RNF111: variants seen among roughly 807,000 people sequenced by gnomAD.
The protein encoded by RNF111 is E3 ubiquitin-protein ligase Arkadia.
A neutral mutation model predicts 95.1 loss-of-function variants in RNF111; 17 were observed. The ratio of observed to expected loss-of-function variants is 0.18; its 90% CI spans 0.12 to 0.27. The LOEUF (loss-of-function observed/expected upper bound fraction) is 0.27. Ranked by LOEUF, RNF111 falls within the 10% of genes least tolerant of loss-of-function variation. The pLI is 1.00. For synonymous variants in RNF111, 440 were observed against 414.8 expected, an observed-to-expected ratio of 1.06 and a Z score of -0.74; for missense variants, 1,189 against 1,210.4, an observed-to-expected ratio of 0.98 and a Z score of 0.26.
Position 59,095,812 on chromosome 15 carries a change from T to C in RNF111, c.*912T>C. On this transcript the variant is annotated 3_prime_UTR_variant, in exon 14 of 14. Transcript: ENST00000348370. The stretch of plus-strand genomic sequence containing the variant: ...AAGCACGAAAAGTTAAGATATCTGC[T>C]TACATTGATTTTGTAGACACATTAA... The C allele has an allele frequency of 2.5e-6, 1 of 392,514 alleles. No homozygotes were observed. The highest frequency in any genetic ancestry group is 4.5e-6 in the Non-Finnish European group (1 of 222,434). The allele number at this position is 392,514 out of a possible 1,614,324, so 24.3% of individuals were successfully genotyped here.
Position 59,084,083 on chromosome 15 carries a change from A to G in RNF111, c.2298-46A>G, listed in dbSNP as rs577004143. ...TCTACATTAAGAAAAGAAATAACCA[A>G]TTATTCAATTATTTCCAGTGGTCTT... On this transcript the variant is annotated intron_variant, in intron 8 of 13. Transcript: ENST00000348370. The G allele has an allele frequency of 1.3e-5, 20 of 1,521,058 alleles. No individual in the cohort carries two copies. The South Asian group carries it at 2.0e-4, about 16-fold the overall frequency. 94.2% of individuals were successfully genotyped at this position (1,521,058 alleles called of 1,614,324 possible). A position where few individuals can be genotyped will look rare whatever the true frequency, so the allele number is the denominator to read the frequency against.
chr15:59,091,191 T>C, intron 12 of RNF111, 37 bp downstream of exon 12: 1 of 1,222,636 alleles, frequency 8.2e-7, no homozygotes, highest in Non-Finnish European at 1.2e-6. Flanking sequence ...GGAGTGTTAC[T>C]GAAAGGCATA....
chr15:59,058,669 T>A, intron 5 of RNF111, 119 bp downstream of exon 5: 1 of 858,040 alleles, frequency 1.2e-6, no homozygotes, highest in Non-Finnish European at 1.9e-6. Context: ...TACATTATAA[T>A]AAACTTCATA....
At chr15:59,002,522 C>T (rs2039366997) in intron 1 of RNF111, among the ~76,000 whole-genome samples, 1 of 150,838 alleles carries the variant, frequency 6.6e-6, no homozygotes. Context: ...AACTGAAGTT[C>T]TGAGTGAAAG....
chr15:59,093,361 T>TCTC lies in RNF111; in HGVS notation c.2843+722_2843+723insTCC, dbSNP rs1555403301. ...TCTTTTTTTTTTTTTTTTTTTTTTT[T>TCTC]CCTTTTCTGGGAGATGGTCTCCTTC... On this transcript the variant is annotated intron_variant, in intron 13 of 13. Coordinates refer to ENST00000348370, the MANE Select transcript of RNF111 (RefSeq NM_017610.8). 4.6e-3 allele frequency: 1,702 copies of TCTC among 366,116 alleles called. 15 individuals are homozygous for TCTC. Among genetic ancestry groups the TCTC allele is most frequent in the African/African-American group, 0.017 (626 of 36,200 alleles). The allele number at this position is 366,116 out of a possible 1,614,324, so 22.7% of individuals were successfully genotyped here. A position where few individuals can be genotyped will look rare whatever the true frequency, so the allele number is the denominator to read the frequency against.
rs1020216561 is a variant in RNF111, at chr15:59,092,043, A to G, written c.2740-494A>G. ...GGTTGGAGACTCCTTTATACTATGT[A>G]AAGAATAATCATAAAGTGTGAAAAT... On this transcript the variant is annotated intron_variant, in intron 12 of 13. Coordinates refer to ENST00000348370, the MANE Select transcript of RNF111 (RefSeq NM_017610.8). 5.3e-5 allele frequency among the ~76,000 whole-genome samples: 8 copies of G among 152,216 alleles called. No individual in the cohort carries two copies. In the East Asian group the frequency reaches 1.5e-3, roughly 29 times the overall value.
At position 59,046,948 on chromosome 15, in the gene RNF111, G is replaced by T. The variant is rs144278641; in HGVS notation, c.881-5357G>T. Among the ~76,000 whole-genome samples, 281 of 152,106 alleles carry T rather than the reference G, an allele frequency of 1.8e-3. 2 individuals carry two copies. Among genetic ancestry groups the T allele is most frequent in the African/African-American group, 6.5e-3 (270 of 41,482 alleles). On this transcript the variant is annotated intron_variant, in intron 2 of 13. Coordinates refer to ENST00000348370, the MANE Select transcript of RNF111 (RefSeq NM_017610.8). ...AATGGCACAGTCTCGGCTCACTGCA[G>T]ACTCGGCCCCCTGGTTTCAAGTGAT... is the stretch of plus-strand genomic sequence containing the variant.
intron 1 of RNF111, among the ~76,000 whole-genome samples, chr15:59,005,505 T>C (rs2039502525): frequency 6.6e-6 from 1 of 152,200 alleles, no homozygotes; most frequent in Non-Finnish European, 1.5e-5. Context: ...CTGTCATCTT[T>C]TTAATTTAGT....
chr15:59,017,541 T>TA (rs1394918693), intron 1 of RNF111, among the ~76,000 whole-genome samples: 34 of 152,236 alleles, frequency 2.2e-4, no homozygotes, highest in African/African-American at 7.7e-4. Flanking sequence ...TCTATCACTT[T>TA]AAAAGAGAGA....
intron 11 of RNF111, 77 bp from the exon 12 acceptor site, chr15:59,090,982 T>A: frequency 2.3e-6 from 2 of 882,316 alleles, no homozygotes; most frequent in Non-Finnish European, 3.6e-6. Flanking sequence ...GAGGTTTATT[T>A]CTTATACAAT....
At chr15:59,068,675 C>T (rs996328429) in intron 6 of RNF111, among the ~76,000 whole-genome samples, 5 of 152,046 alleles carry the variant, frequency 3.3e-5, no homozygotes, top group African/African-American at 9.7e-5. Context: ...ATTAAGCCAC[C>T]GTGCCCGGCC....
At chr15:59,071,714 T>C (rs1180323672) in intron 6 of RNF111, among the ~76,000 whole-genome samples, 1 of 151,998 alleles carries the variant, frequency 6.6e-6, no homozygotes. Flanking sequence ...AATAAAGTTT[T>C]TGGAGGAAAA....
chr15:59,017,383 T>C (rs1195177553), intron 1 of RNF111, among the ~76,000 whole-genome samples: 1 of 152,232 alleles, frequency 6.6e-6, no homozygotes, highest in African/African-American at 2.4e-5. Context: ...GTATGTAAAA[T>C]GTGCTGCTGT....
rs1486015963 is a variant in RNF111, at chr15:59,097,304, A to G, written c.*2404A>G. 1 of 152,264 alleles carries G rather than the reference A, an allele frequency of 6.6e-6. No individual in the cohort carries two copies. The highest frequency in any genetic ancestry group is 2.4e-5 in the African/African-American group (1 of 41,468). The allele number at this position is 152,264 out of a possible 1,614,324, so 9.4% of individuals were successfully genotyped here. A position where few individuals can be genotyped will look rare whatever the true frequency, so the allele number is the denominator to read the frequency against. ...TTATTTTTATTGTTGTTAACATGCA[A>G]GTGATAAACTGATAATTTGAAACAT... On this transcript the variant is annotated 3_prime_UTR_variant, in exon 14 of 14. Coordinates refer to ENST00000348370, the MANE Select transcript of RNF111 (RefSeq NM_017610.8).
Position 59,085,712 on chromosome 15 carries a change from T to G in RNF111, c.2477T>G (p.Leu826Trp). The G allele has an allele frequency of 1.2e-6, 2 of 1,613,660 alleles. No homozygotes were observed. The highest frequency in any genetic ancestry group is 1.7e-6 in the Non-Finnish European group (2 of 1,179,696). Residue 826 changes from leucine to tryptophan, a missense_variant, in exon 10 of 14, where the codon TTG becomes TGG. By Grantham distance (61) the Leu-to-Trp change is moderately conservative. Around this residue, in one of 2 missense-constraint regions of RNF111, gnomAD observed 165 missense variants for 284.6 expected, o/e 0.58. Coordinates refer to ENST00000348370, the MANE Select transcript of RNF111 (RefSeq NM_017610.8). ...VTAATYTPGA[L>W]HPHLAHYHAP... ...GCAGCTACTTATACACCTGGTGCAT[T>G]GCATCCTCACTTGGCCCATTATCAC...
At position 59,016,500 on chromosome 15, in the gene RNF111, C is replaced by G. The variant is rs147376145; in HGVS notation, c.-19-14304C>G. ...TGAAGGATGGGAACCTGTATTTTCT[C>G]TCTCTGCCCACAGATCCAGCATATA... On this transcript the variant is annotated intron_variant, in intron 1 of 13. Coordinates refer to ENST00000348370, the MANE Select transcript of RNF111 (RefSeq NM_017610.8). 9.2e-5 allele frequency among the ~76,000 whole-genome samples: 14 copies of G among 152,260 alleles called. No homozygotes were observed. The East Asian group carries it at 2.7e-3, about 29-fold the overall frequency.
intron 1 of RNF111, among the ~76,000 whole-genome samples, chr15:59,016,333 C>G (rs948154904): frequency 6.6e-6 from 1 of 151,980 alleles, no homozygotes; most frequent in Non-Finnish European, 1.5e-5. Flanking sequence ...CCACGCCCAG[C>G]TGATTTCTGT....
chr15:59,030,838 C>G lies in RNF111; in HGVS notation c.16C>G (p.Pro6Ala), dbSNP rs755864371. ...AAAGTTTCCCATGTCTCAATGGACT[C>G]CTGAATATAACGAGCTCTACACCTT... MSQWTPEYNELYTLKV... is the reference protein window; with the variant it reads MSQWTAEYNELYTLKV... Residue 6 changes from proline (P) to alanine (A), a missense_variant, in exon 2 of 14, where the codon CCT becomes GCT. Pro to Ala is a conservative substitution (Grantham distance 27). Around this residue, in one of 2 missense-constraint regions of RNF111, gnomAD observed 1,024 missense variants for 925.9 expected, o/e 1.11. Transcript: ENST00000348370. 1.9e-6 allele frequency: 3 copies of G among 1,564,018 alleles called. No individual in the cohort carries two copies.
chr15:59,051,592 A>G (rs1183868618), intron 2 of RNF111, among the ~76,000 whole-genome samples: 1 of 152,074 alleles, frequency 6.6e-6, no homozygotes, highest in East Asian at 1.9e-4. Flanking sequence ...CCTGGGCAAC[A>G]TGGTGAAACC....
Sources: allele counts gnomAD v4.1 joint callset (sites outside exome capture counted in the v4.1 genomes callset), GRCh38; gene constraint gnomAD v4.1.1; regional missense constraint gnomAD v4.1.1; transcripts MANE v1.5; gene names NCBI Gene and HGNC (gene_info 2026-07-23, HGNC 2026-07-21).